AKAP6: variants seen among roughly 807,000 people sequenced by gnomAD.
AKAP6 encodes A-kinase anchoring protein 6, also known as A-kinase anchor protein 6.
A neutral mutation model predicts 188.5 loss-of-function variants in AKAP6; 58 were observed. The ratio of observed to expected loss-of-function variants is 0.31; its 90% CI spans 0.25 to 0.38. AKAP6 has a LOEUF of 0.38. Among genes scored for constraint, AKAP6 ranks in the 10% least tolerant of loss-of-function variants. The probability of loss-of-function intolerance (pLI) is 1.00; values close to 1 mark genes in which losing one functional copy is unlikely to be tolerated. For synonymous variants in AKAP6, 989 were observed against 998.6 expected (o/e 0.99, Z 0.18); for missense variants, 2,710 against 2,740.0 (o/e 0.99, Z 0.24).
chr14:32,341,236 G>C (rs12435388), intron 1 of AKAP6, among the ~76,000 whole-genome samples: 15,324 of 151,974 alleles, frequency 0.1, 986 homozygotes, highest in South Asian at 0.23. Flanking sequence ...TTAATGAGTT[G>C]GGTGAAGTAT....
At chr14:32,418,020 CA>C (rs1357257379) in intron 1 of AKAP6, 1 of 152,054 alleles carries the variant, frequency 6.6e-6, no homozygotes, top group Non-Finnish European at 1.5e-5. Context: ...CCAAAGAGCA[CA>C]ATGAATAGAG....
At chr14:32,685,724 C>CAA (rs71115091) in intron 8 of AKAP6, among the ~76,000 whole-genome samples, 3,538 of 85,820 alleles carry the variant, frequency 0.041, 143 homozygotes, top group South Asian at 0.073. Context: ...GACTCCATCT[C>CAA]AAAAAAAAAA....
intron 2 of AKAP6, among the ~76,000 whole-genome samples, chr14:32,478,407 C>G (rs566467239): frequency 6.6e-6 from 1 of 152,122 alleles, no homozygotes; most frequent in Non-Finnish European, 1.5e-5. Context: ...AGGAGAATTC[C>G]AAGCTCCAAC....
In AKAP6 at chr14:32,516,802, C is replaced by A. The variant is rs962031630; in HGVS notation, c.325-18752C>A. Among the ~76,000 whole-genome samples the A allele has an allele frequency of 3.9e-5, 6 of 152,202 alleles. No homozygotes were observed. The South Asian group carries it at 1.2e-3, about 32-fold the overall frequency. On this transcript the variant is annotated intron_variant, in intron 2 of 13. Coordinates refer to ENST00000280979, the MANE Select transcript of AKAP6 (RefSeq NM_004274.5). Reference sequence around the variant, plus strand: ...TTCCTAGCTCTATTAATGAAAAAAGCCTAGACACAGTGACCAATTCAGTAG... The same window carrying A: ...TTCCTAGCTCTATTAATGAAAAAAGACTAGACACAGTGACCAATTCAGTAG...
At chr14:32,626,031 G>A (rs1343316579) in intron 7 of AKAP6, among the ~76,000 whole-genome samples, 2 of 152,180 alleles carry the variant, frequency 1.3e-5, no homozygotes, top group South Asian at 2.1e-4. Flanking sequence ...TTACAAATAC[G>A]TGGAAGCACT....
At chr14:32,674,481 A>G (rs1338069254) in intron 7 of AKAP6, among the ~76,000 whole-genome samples, 9 of 152,204 alleles carry the variant, frequency 5.9e-5, no homozygotes, top group Non-Finnish European at 2.9e-5. Context: ...CTGCAGAGAC[A>G]TTTTAGAAGA....
intron 2 of AKAP6, among the ~76,000 whole-genome samples, chr14:32,479,503 A>T (rs1278367526): frequency 6.6e-6 from 1 of 152,144 alleles, no homozygotes; most frequent in African/African-American, 2.4e-5. Context: ...CTTTAACTTA[A>T]TATTATTTCC....
intron 2 of AKAP6, among the ~76,000 whole-genome samples, chr14:32,446,722 G>A (rs1890767802): frequency 6.6e-6 from 1 of 151,688 alleles, no homozygotes; most frequent in Non-Finnish European, 1.5e-5. Context: ...GTTTAATGTA[G>A]TTACTTTAAA....
intron 3 of AKAP6, among the ~76,000 whole-genome samples, chr14:32,543,809 G>T (rs750850334): frequency 6.6e-6 from 1 of 152,084 alleles, no homozygotes; most frequent in Non-Finnish European, 1.5e-5. Flanking sequence ...GTCATCTTTT[G>T]GTCCAAGCTA....
At chr14:32,474,357 AC>A (rs1878941400) in intron 2 of AKAP6, 1 of 147,760 alleles carries the variant, frequency 6.8e-6, no homozygotes, top group East Asian at 2.0e-4. Flanking sequence ...CACTTCCTTA[AC>A]CCCTCAAATC....
In AKAP6 at chr14:32,577,100, C is replaced by T. The variant is rs761114123; in HGVS notation, c.2347-20C>T. ...TGCCTTTCTTGCCCCTTTTTTTCCC[C>T]TTTTCTTTCCTTTCACAAGGGGTTT... On this transcript the variant is annotated intron_variant, in intron 4 of 13. Coordinates refer to ENST00000280979, the MANE Select transcript of AKAP6 (RefSeq NM_004274.5). 19 of 1,589,370 alleles carry T rather than the reference C, an allele frequency of 1.2e-5. No homozygotes were observed. The highest frequency in any genetic ancestry group is 1.4e-5 in the African/African-American group (1 of 73,058).
intron 4 of AKAP6, among the ~76,000 whole-genome samples, chr14:32,562,233 T>C (rs1411669979): frequency 6.6e-6 from 1 of 151,998 alleles, no homozygotes; most frequent in Non-Finnish European, 1.5e-5. Flanking sequence ...ACTGGAAAGG[T>C]GTCATTTATA....
rs573507445 is a variant in AKAP6, at chr14:32,473,033, A to G, written c.324+39216A>G. Among the ~76,000 whole-genome samples the G allele has an allele frequency of 4.6e-5, 7 of 152,352 alleles. No individual in the cohort carries two copies. The East Asian group carries it at 1.2e-3, about 25-fold the overall frequency. ...TGATTAAAGTTGAGCCCAGAAGCTC[A>G]CCCAAACACACATATTTGCCTAAAT... is the stretch of plus-strand genomic sequence containing the variant. On this transcript the variant is annotated intron_variant, in intron 2 of 13. Transcript: ENST00000280979.
At chr14:32,543,494 C>A (rs1479665035) in intron 3 of AKAP6, among the ~76,000 whole-genome samples, 1 of 152,184 alleles carries the variant, frequency 6.6e-6, no homozygotes, top group Non-Finnish European at 1.5e-5. Flanking sequence ...ATGAATAGTG[C>A]TGTAATAAAC....
At chr14:32,772,695 A>G (rs898153152) in intron 11 of AKAP6, among the ~76,000 whole-genome samples, 6 of 152,170 alleles carry the variant, frequency 3.9e-5, no homozygotes, top group African/African-American at 1.4e-4. Context: ...TTTAAGCACA[A>G]ATACTTTCAG....
intron 11 of AKAP6, among the ~76,000 whole-genome samples, chr14:32,743,688 G>A (rs1428873133): frequency 6.6e-6 from 1 of 151,992 alleles, no homozygotes; most frequent in African/African-American, 2.4e-5. Context: ...TCTTCCTCCT[G>A]CTTTTTAGCT....
chr14:32,618,369 G>A (rs1331973249), intron 7 of AKAP6, among the ~76,000 whole-genome samples: 2 of 151,960 alleles, frequency 1.3e-5, no homozygotes, highest in African/African-American at 2.4e-5. Context: ...CTTCTGAGTC[G>A]CCAATGTCTA....
chr14:32,683,012 G>A (rs1234890658), intron 8 of AKAP6, among the ~76,000 whole-genome samples: 1 of 87,822 alleles, frequency 1.1e-5, no homozygotes, highest in East Asian at 8.7e-4. Context: ...TTTTGTTTTT[G>A]AGACAAAGCC....
At chr14:32,693,317 A>C (rs1890259024) in intron 8 of AKAP6, 2 of 152,034 alleles carry the variant, frequency 1.3e-5, no homozygotes, top group African/African-American at 2.4e-5. Context: ...CTGGATTGAG[A>C]GGCCCACCTG....
Sources: allele counts gnomAD v4.1 joint callset (sites outside exome capture counted in the v4.1 genomes callset), GRCh38; gene constraint gnomAD v4.1.1; transcripts MANE v1.5; gene names NCBI Gene and HGNC (gene_info 2026-07-23, HGNC 2026-07-21).